Variants in SND1 observed in about 807,000 individuals in gnomAD.
SND1 encodes the protein staphylococcal nuclease domain-containing protein 1.
Under a neutral mutation model 121.7 loss-of-function variants are expected in SND1, and 38 were observed. That is an observed-to-expected ratio of 0.31 (90% CI 0.24 to 0.41). The LOEUF is 0.41. Ranked by LOEUF, SND1 falls within the 10% of genes least tolerant of loss-of-function variation. SND1 has a pLI of 1.00. For synonymous variants in SND1, 401 were observed against 447.4 expected (o/e 0.90, Z 1.31); for missense variants, 868 against 1,184.6 (o/e 0.73, Z 3.92).
chr7:127,857,959 T>C (rs1799312554), intron 12 of SND1: 4 of 1,377,046 alleles, frequency 2.9e-6, no homozygotes, highest in Non-Finnish European at 4.1e-6. Context: ...CACCCAGGTC[T>C]GCATCTGGTC....
At position 127,915,251 on chromosome 7, in the gene SND1, C is replaced by T. The variant is rs145352198; in HGVS notation, c.1527+10432C>T. On this transcript the variant is annotated intron_variant, in intron 14 of 23. Coordinates refer to ENST00000354725, the MANE Select transcript of SND1 (RefSeq NM_014390.4). ...ATGATCTCGAACTCCTGGGCTCAAG[C>T]GCGAGCCACTGCACCCAGCCTGGTG... Among the ~76,000 whole-genome samples the T allele has an allele frequency of 7.4e-4, 113 of 152,084 alleles. No individual in the cohort carries two copies. The East Asian group carries it at 0.015, about 20-fold the overall frequency.
chr7:128,047,541 A>G (rs1584760634), intron 16 of SND1, among the ~76,000 whole-genome samples: 1 of 152,392 alleles, frequency 6.6e-6, no homozygotes, highest in African/African-American at 2.4e-5. Flanking sequence ...AATCTTAAAA[A>G]TAAACACATA....
At chr7:128,000,247 G>A (rs1026263106) in intron 16 of SND1, among the ~76,000 whole-genome samples, 6 of 151,970 alleles carry the variant, frequency 3.9e-5, no homozygotes, top group Non-Finnish European at 8.8e-5. Flanking sequence ...ATAATTTCTT[G>A]ACAAACTAAA....
intron 10 of SND1, among the ~76,000 whole-genome samples, chr7:127,772,441 A>C (rs1381668737): frequency 2.0e-5 from 3 of 152,174 alleles, no homozygotes; most frequent in East Asian, 3.8e-4. Context: ...CACACACCCC[A>C]AAAACAGAAG....
chr7:127,869,749 A>G (rs1030842612), intron 12 of SND1, among the ~76,000 whole-genome samples: 4 of 152,148 alleles, frequency 2.6e-5, no homozygotes, highest in African/African-American at 9.7e-5. Context: ...ATTCACATAC[A>G]TCACAATGAA....
intron 10 of SND1, among the ~76,000 whole-genome samples, chr7:127,783,112 A>T (rs1360171360): frequency 1.3e-5 from 2 of 152,192 alleles, no homozygotes; most frequent in Admixed American, 6.5e-5. Context: ...TAGTTATCAC[A>T]TGCCTTCTGA....
At chr7:127,740,108 A>C (rs1796853599) in intron 10 of SND1, among the ~76,000 whole-genome samples, 1 of 152,206 alleles carries the variant, frequency 6.6e-6, no homozygotes, top group Non-Finnish European at 1.5e-5. Flanking sequence ...GCCTGCAAGC[A>C]CAGATTCTAG....
intron 16 of SND1, among the ~76,000 whole-genome samples, chr7:128,025,883 T>G (rs1453288755): frequency 1.3e-5 from 2 of 152,090 alleles, no homozygotes; most frequent in Admixed American, 1.3e-4. Context: ...TTGGGACAAA[T>G]GCATTTGTCC....
chr7:127,929,431 C>G, intron 15 of SND1, 102 bp downstream of exon 15: 1 of 1,151,800 alleles, frequency 8.7e-7, no homozygotes, highest in Non-Finnish European at 1.3e-6. Context: ...TAGAGCCCAC[C>G]AGCATGCTCT....
At chr7:128,034,683 C>T (rs1324254599) in intron 16 of SND1, among the ~76,000 whole-genome samples, 1 of 152,168 alleles carries the variant, frequency 6.6e-6, no homozygotes, top group Non-Finnish European at 1.5e-5. Context: ...TTGTGACTGC[C>T]ATCCATGAAG....
At chr7:127,766,787 A>AAAAAAAAAG in intron 10 of SND1, among the ~76,000 whole-genome samples, 1 of 150,252 alleles carries the variant, frequency 6.7e-6, no homozygotes, top group East Asian at 2.0e-4. Context: ...AAAAAAAAAA[A>AAAAAAAAAG]AAAAAAAAAA....
At chr7:127,775,171 G>C (rs189285255) in intron 10 of SND1, among the ~76,000 whole-genome samples, 499 of 152,304 alleles carry the variant, frequency 3.3e-3, no homozygotes, top group Non-Finnish European at 5.4e-3. Flanking sequence ...CCGGAAGCTC[G>C]GAGAGGCAAG....
chr7:127,696,024 A>T (rs1796001132), intron 3 of SND1, among the ~76,000 whole-genome samples: 1 of 152,188 alleles, frequency 6.6e-6, no homozygotes, highest in African/African-American at 2.4e-5. Context: ...TGTTCTCCAG[A>T]AAGCAGCCAG....
chr7:127,708,604 C>T lies in SND1; in HGVS notation c.1038+957C>T, dbSNP rs144258988. 3.4e-3 allele frequency among the ~76,000 whole-genome samples: 512 copies of T among 152,158 alleles called. 2 individuals carry two copies. The highest frequency in any genetic ancestry group is 0.011 in the African/African-American group (466 of 41,494). On this transcript the variant is annotated intron_variant, in intron 9 of 23. Transcript: ENST00000354725. ...GAGCTCTTGGTTCCCCGCCCCACCG[C>T]CCCGAGAGTTTTCCATTGATATGTC...
At chr7:128,002,413 C>CA (rs1802858199) in intron 16 of SND1, among the ~76,000 whole-genome samples, 1 of 152,188 alleles carries the variant, frequency 6.6e-6, no homozygotes, top group Non-Finnish European at 1.5e-5. Context: ...CTCATGGTCC[C>CA]ACACATTAGG....
chr7:127,922,881 A>G (rs1421828718), intron 14 of SND1, among the ~76,000 whole-genome samples: 1 of 152,254 alleles, frequency 6.6e-6, no homozygotes, highest in Non-Finnish European at 1.5e-5. Flanking sequence ...ACTGGAGCTC[A>G]GAGCCTGGGC....
intron 15 of SND1, among the ~76,000 whole-genome samples, chr7:127,990,709 T>C (rs1461222214): frequency 6.6e-6 from 1 of 152,200 alleles, no homozygotes; most frequent in East Asian, 1.9e-4. Flanking sequence ...AATTCCCAGA[T>C]GCTGTGGCTG....
At chr7:127,836,921 A>C (rs1320440572) in intron 11 of SND1, among the ~76,000 whole-genome samples, 1 of 152,248 alleles carries the variant, frequency 6.6e-6, no homozygotes. Flanking sequence ...TTACATATAT[A>C]GTACAGACTA....
chr7:127,811,482 C>G (rs543573177), intron 11 of SND1, among the ~76,000 whole-genome samples: 4 of 152,254 alleles, frequency 2.6e-5, no homozygotes, highest in African/African-American at 7.2e-5. Context: ...TATCAGACAT[C>G]TTTGACACCC....
Sources: allele counts gnomAD v4.1 joint callset (sites outside exome capture counted in the v4.1 genomes callset), GRCh38; gene constraint gnomAD v4.1.1; transcripts MANE v1.5; gene names NCBI Gene and HGNC (gene_info 2026-07-23, HGNC 2026-07-21).